SORCS2: variants seen among roughly 807,000 people sequenced by gnomAD.
The protein encoded by SORCS2 is sortilin related VPS10 domain containing receptor 2.
SORCS2 carries 100 observed loss-of-function variants against 141.6 expected under a neutral mutation model. The ratio of observed to expected loss-of-function variants is 0.71; its 90% confidence interval spans 0.60 to 0.83. The LOEUF (loss-of-function observed/expected upper bound fraction) is 0.83. Ranked by LOEUF, SORCS2 falls within the 40% of genes least tolerant of loss-of-function variation. SORCS2 has a pLI of 0.00. For synonymous variants in SORCS2, 789 were observed against 676.9 expected (o/e 1.17, Z -2.57); for missense variants, 1,646 against 1,560.2 (o/e 1.05, Z -0.93).
intron 2 of SORCS2, among the ~76,000 whole-genome samples, chr4:7,486,331 G>A (rs1274559021): frequency 2.8e-5 from 1 of 35,414 alleles, no homozygotes; most frequent in Non-Finnish European, 6.7e-5. Flanking sequence ...CAGGCCGGCT[G>A]GGCCACTATT....
intron 3 of SORCS2, among the ~76,000 whole-genome samples, chr4:7,602,635 C>T (rs1384969299): frequency 6.6e-5 from 10 of 150,564 alleles, no homozygotes; most frequent in East Asian, 6.0e-4. Context: ...ACTTCCTTGA[C>T]GGGATGACTG....
intron 1 of SORCS2, among the ~76,000 whole-genome samples, chr4:7,295,949 G>T (rs1717022035): frequency 6.6e-6 from 1 of 152,224 alleles, no homozygotes. Context: ...TGTTGCAGGG[G>T]CTTCCCTGAG....
chr4:7,600,403 C>T (rs1478473082), intron 3 of SORCS2, among the ~76,000 whole-genome samples: 2 of 152,130 alleles, frequency 1.3e-5, no homozygotes, highest in South Asian at 2.1e-4. Flanking sequence ...GCGCTTGGCA[C>T]GAGTGCTTCT....
intron 2 of SORCS2, among the ~76,000 whole-genome samples, chr4:7,460,742 G>A (rs146832302): frequency 0.011 from 1,711 of 152,180 alleles, 39 homozygotes; most frequent in Admixed American, 0.057. Flanking sequence ...AACTCAACAC[G>A]CTCCCTAATC....
At chr4:7,480,310 G>A (rs1445387786) in intron 2 of SORCS2, among the ~76,000 whole-genome samples, 2 of 152,208 alleles carry the variant, frequency 1.3e-5, no homozygotes, top group African/African-American at 2.4e-5. Flanking sequence ...GTGCTTGAGA[G>A]AGGCCTGTGG....
intron 2 of SORCS2, among the ~76,000 whole-genome samples, chr4:7,406,424 G>A (rs1375191684): frequency 3.5e-5 from 5 of 141,878 alleles, no homozygotes; most frequent in African/African-American, 1.3e-4. Context: ...ACTAATTGTT[G>A]ACTTATTGAG....
chr4:7,227,540 T>C (rs1259373404), intron 1 of SORCS2, among the ~76,000 whole-genome samples: 1 of 152,050 alleles, frequency 6.6e-6, no homozygotes, highest in Non-Finnish European at 1.5e-5. Flanking sequence ...TTTCTTGAGA[T>C]TTGGTGGAAG....
chr4:7,603,124 C>A lies in SORCS2; in HGVS notation c.649-35204C>A, dbSNP rs192137510. 4.0e-5 allele frequency among the ~76,000 whole-genome samples: 6 copies of A among 151,048 alleles called. No homozygotes were observed. The South Asian group carries it at 1.0e-3, about 26-fold the overall frequency. On this transcript the variant is annotated intron_variant, in intron 3 of 26. Transcript: ENST00000507866. ...GATGGCGGCACTACAGTTCAGCCTC[C>A]GCTCGGCATCAGAGGGAGACCATGG...
intron 1 of SORCS2, among the ~76,000 whole-genome samples, chr4:7,258,913 A>G (rs1714122166): frequency 6.6e-6 from 1 of 152,338 alleles, no homozygotes; most frequent in Middle Eastern, 3.4e-3. Flanking sequence ...TGTTGGCTGC[A>G]TAAGTGTCTT....
intron 1 of SORCS2, among the ~76,000 whole-genome samples, chr4:7,360,677 C>G (rs1246912136): frequency 2.0e-5 from 3 of 147,910 alleles, no homozygotes; most frequent in Admixed American, 1.4e-4. Context: ...CTCCCAGGCT[C>G]AAGCGATCGA....
intron 1 of SORCS2, among the ~76,000 whole-genome samples, chr4:7,271,121 A>G (rs765627246): frequency 9.9e-5 from 15 of 151,954 alleles, no homozygotes; most frequent in Non-Finnish European, 2.2e-4. Context: ...TACTTGGACA[A>G]CCTCCCAGCT....
intron 3 of SORCS2, among the ~76,000 whole-genome samples, chr4:7,621,304 G>A (rs955942777): frequency 2.0e-5 from 3 of 152,176 alleles, no homozygotes; most frequent in African/African-American, 7.2e-5. Context: ...ATCTACAAAT[G>A]TGTGTGTCTG....
intron 3 of SORCS2, among the ~76,000 whole-genome samples, chr4:7,610,327 G>A (rs1718325753): frequency 6.6e-6 from 1 of 152,094 alleles, no homozygotes; most frequent in African/African-American, 2.4e-5. Context: ...CACTCATGAG[G>A]GACGAGGATG....
At chr4:7,262,297 T>A (rs909275564) in intron 1 of SORCS2, among the ~76,000 whole-genome samples, 9 of 150,242 alleles carry the variant, frequency 6.0e-5, no homozygotes, top group Non-Finnish European at 1.0e-4. Flanking sequence ...CACCCACCCA[T>A]CCATCCATCC....
chr4:7,694,619 C>T (rs972069841), intron 11 of SORCS2, among the ~76,000 whole-genome samples: 6 of 152,246 alleles, frequency 3.9e-5, no homozygotes, highest in South Asian at 4.1e-4. Context: ...TGGCTGCTGG[C>T]GCCTGGGATA....
chr4:7,634,331 C>T (rs1258137307), intron 3 of SORCS2, among the ~76,000 whole-genome samples: 1 of 151,522 alleles, frequency 6.6e-6, no homozygotes, highest in Non-Finnish European at 1.5e-5. Context: ...CGAGATCGTG[C>T]CGCTGCACTC....
intron 2 of SORCS2, among the ~76,000 whole-genome samples, chr4:7,423,929 G>A (rs932893409): frequency 2.6e-5 from 4 of 152,106 alleles, no homozygotes; most frequent in East Asian, 1.9e-4. Flanking sequence ...CATCACACGC[G>A]GTGTTGGGAA....
At position 7,288,675 on chromosome 4, in the gene SORCS2, T is replaced by A. The variant is rs1384797195; in HGVS notation, c.480+95549T>A. On this transcript the variant is annotated intron_variant, in intron 1 of 26. Transcript: ENST00000507866. ...CTCTTCTTCCAAGGCCACAGTCCTA[T>A]TGGATTAGGTCCCTACTCCTGTGAC... 3.3e-5 allele frequency among the ~76,000 whole-genome samples: 5 copies of A among 151,736 alleles called. No homozygotes were observed. The East Asian group carries it at 9.7e-4, about 29-fold the overall frequency.
chr4:7,671,935 CAG>C (rs1722824209), intron 8 of SORCS2, among the ~76,000 whole-genome samples: 2 of 145,084 alleles, frequency 1.4e-5, no homozygotes, highest in South Asian at 2.2e-4. Context: ...TGTCAAAAGA[CAG>C]AAACTTTTTT....
Sources: allele counts gnomAD v4.1 joint callset (sites outside exome capture counted in the v4.1 genomes callset), GRCh38; gene constraint gnomAD v4.1.1; transcripts MANE v1.5; gene names NCBI Gene and HGNC (gene_info 2026-07-23, HGNC 2026-07-21).